ABHD10: variants seen among roughly 807,000 people sequenced by gnomAD.
ABHD10 encodes abhydrolase domain containing 10, depalmitoylase.
Under a neutral mutation model 33.1 loss-of-function variants are expected in ABHD10, and 22 were observed. That is an observed-to-expected ratio of 0.66 (90% CI 0.47 to 0.95). The LOEUF (loss-of-function observed/expected upper bound fraction) is 0.95. ABHD10 is among the 40% of genes least tolerant of loss of function. ABHD10 has a pLI of 0.00. For synonymous variants in ABHD10, 146 were observed against 133.9 expected (o/e 1.09, Z -0.62); for missense variants, 352 against 379.9 (o/e 0.93, Z 0.61).
At chr3:111,988,892 G>C (rs1188939394) in intron 4 of ABHD10, among the ~76,000 whole-genome samples, 2 of 152,192 alleles carry the variant, frequency 1.3e-5, no homozygotes, top group Non-Finnish European at 2.9e-5. Flanking sequence ...GCCTGGCCAT[G>C]TACATTTCTC....
chr3:111,986,231 A>G (rs368108272), intron 2 of ABHD10, 33 bp from the exon 3 acceptor site: 374 of 1,214,474 alleles, frequency 3.1e-4, no homozygotes, highest in Non-Finnish European at 3.8e-4. Context: ...ATATATAGAT[A>G]TTTAGATATA....
Position 111,990,072 on chromosome 3 carries a change from T to A in ABHD10, c.577-1305T>A, listed in dbSNP as rs548236684. On this transcript the variant is annotated intron_variant, in intron 4 of 4. Transcript: ENST00000273359. Reference sequence around the variant, plus strand: ...CATTTTTCTAGAAATGCCCTTAATATTATATGATTGTAACAGTCTTGAAAC... The same window carrying A: ...CATTTTTCTAGAAATGCCCTTAATAATATATGATTGTAACAGTCTTGAAAC... Among the ~76,000 whole-genome samples the A allele has an allele frequency of 3.3e-5, 5 of 152,140 alleles. No individual in the cohort carries two copies. In the South Asian group the frequency reaches 8.3e-4, roughly 25 times the overall value.
At chr3:111,985,058 G>A (rs1255138585) in intron 2 of ABHD10, among the ~76,000 whole-genome samples, 1 of 152,190 alleles carries the variant, frequency 6.6e-6, no homozygotes, top group Non-Finnish European at 1.5e-5. Context: ...ACAAAAGAAA[G>A]TGACTGGTAC....
chr3:111,986,896 A>G lies in ABHD10; in HGVS notation c.439-18A>G, dbSNP rs375332672. The stretch of plus-strand genomic sequence containing the variant: ...TTCTATCTTAAAGACCTAATGTTTT[A>G]TTTTATTTTATTTTTAGATTCTTGT... On this transcript the variant is annotated intron_variant, in intron 3 of 4. Coordinates refer to ENST00000273359, the MANE Select transcript of ABHD10 (RefSeq NM_018394.4). 9 of 1,563,116 alleles carry G rather than the reference A, an allele frequency of 5.8e-6. No individual in the cohort carries two copies. In the East Asian group the frequency reaches 1.6e-4, roughly 28 times the overall value.
intron 3 of ABHD10, 138 bp from the exon 4 acceptor site, chr3:111,986,776 A>T: frequency 2.8e-6 from 2 of 707,134 alleles, no homozygotes; most frequent in Non-Finnish European, 4.3e-6. Flanking sequence ...TATTTAATTT[A>T]AATGTTTAAT....
intron 2 of ABHD10, among the ~76,000 whole-genome samples, chr3:111,983,061 A>G (rs1473310734): frequency 6.6e-6 from 1 of 152,162 alleles, no homozygotes; most frequent in Non-Finnish European, 1.5e-5. Context: ...AAAACATTGT[A>G]CTTGCCTATG....
intron 1 of ABHD10, 46 bp from the exon 2 acceptor site, chr3:111,981,738 G>A (rs745815939): frequency 7.0e-7 from 1 of 1,430,348 alleles, no homozygotes; most frequent in Non-Finnish European, 9.4e-7. Flanking sequence ...GTTTTCCAAA[G>A]ACTGAGTTTA....
At chr3:111,990,914 A>G (rs990336910) in intron 4 of ABHD10, among the ~76,000 whole-genome samples, 2 of 152,072 alleles carry the variant, frequency 1.3e-5, no homozygotes, top group Admixed American at 1.3e-4. Flanking sequence ...CTAAGATTTG[A>G]TTTTATTTAA....
chr3:111,988,515 AT>A (rs1039720450), intron 4 of ABHD10, among the ~76,000 whole-genome samples: 2 of 151,288 alleles, frequency 1.3e-5, no homozygotes, highest in Non-Finnish European at 2.9e-5. Context: ...AAAGGAGTTG[AT>A]TTTTGGGGGT....
chr3:111,981,311 C>CAAAAAAAAAAAAAAA (rs11301143), intron 1 of ABHD10, among the ~76,000 whole-genome samples: 1 of 91,192 alleles, frequency 1.1e-5, no homozygotes, highest in Non-Finnish European at 2.1e-5. Context: ...GACCCTGTCT[C>CAAAAAAAAAAAAAAA]AAAAAAAAAA....
At position 111,992,605 on chromosome 3, in the gene ABHD10, G is replaced by C. The variant is rs1456416960; in HGVS notation, c.*884G>C. ...TTTTTTTCTTTCCTAAATAACTAAA[G>C]TGAGGTGTAGATTGAGCCTTGATAT... On this transcript the variant is annotated 3_prime_UTR_variant, in exon 5 of 5. Coordinates refer to ENST00000273359, the MANE Select transcript of ABHD10 (RefSeq NM_018394.4). The C allele has an allele frequency of 1.3e-5, 2 of 151,996 alleles. No individual in the cohort carries two copies. Among genetic ancestry groups the C allele is most frequent in the Non-Finnish European group, 2.9e-5 (2 of 67,976 alleles). The allele number at this position is 151,996 out of a possible 1,614,324, so 9.4% of individuals were successfully genotyped here.
chr3:111,993,106 G>C lies in ABHD10; in HGVS notation c.*1385G>C, dbSNP rs947411851. 24 of 152,298 alleles carry C rather than the reference G, an allele frequency of 1.6e-4. No individual in the cohort carries two copies. The highest frequency in any genetic ancestry group is 1.5e-3 in the East Asian group (8 of 5,172). The allele number at this position is 152,298 out of a possible 1,614,324, so 9.4% of individuals were successfully genotyped here. A position where few individuals can be genotyped will look rare whatever the true frequency, so the allele number is the denominator to read the frequency against. On this transcript the variant is annotated 3_prime_UTR_variant, in exon 5 of 5. Coordinates refer to ENST00000273359, the MANE Select transcript of ABHD10 (RefSeq NM_018394.4). ...CTGGAATTTTGGTATGTGCCAGGCAGAGACTACCTTTGTGACCAGCTCCCA... is the reference window on the plus strand; with the variant it reads ...CTGGAATTTTGGTATGTGCCAGGCACAGACTACCTTTGTGACCAGCTCCCA...
intron 2 of ABHD10, among the ~76,000 whole-genome samples, chr3:111,982,625 G>A (rs1458775213): frequency 6.6e-6 from 1 of 152,108 alleles, no homozygotes; most frequent in Non-Finnish European, 1.5e-5. Flanking sequence ...ATGAGTTCTA[G>A]AATAAATTCG....
At chr3:111,987,403 C>T (rs2072681474) in intron 4 of ABHD10, among the ~76,000 whole-genome samples, 1 of 152,038 alleles carries the variant, frequency 6.6e-6, no homozygotes, top group South Asian at 2.1e-4. Flanking sequence ...GGTCCTCTTA[C>T]TTTGTGGCAT....
At chr3:111,987,888 A>G (rs1006230695) in intron 4 of ABHD10, among the ~76,000 whole-genome samples, 1 of 152,170 alleles carries the variant, frequency 6.6e-6, no homozygotes, top group Non-Finnish European at 1.5e-5. Context: ...AGACACAGAA[A>G]TTAAAGAAAA....
Position 111,981,938 on chromosome 3 carries a change from T to A in ABHD10, c.297T>A (p.Phe99Leu), listed in dbSNP as rs1335878086. Residue 99 changes from phenylalanine (F) to leucine (L), a missense_variant, in exon 2 of 5, where the codon TTT becomes TTA. Coordinates refer to ENST00000273359, the MANE Select transcript of ABHD10 (RefSeq NM_018394.4). The part of the protein sequence containing the change: ...NGTKALAIEE[F>L]CKSLGHACIR... ...CAAAAGCGTTGGCGATTGAGGAGTT[T>A]TGCAAATCTCTAGGTCACGCCTGCA... 1 of 1,575,212 alleles carries A rather than the reference T, an allele frequency of 6.3e-7. No individual in the cohort carries two copies. Among genetic ancestry groups the A allele is most frequent in the South Asian group, 1.2e-5 (1 of 86,124 alleles).
chr3:111,979,152 C>G lies in ABHD10; in HGVS notation c.91C>G (p.Leu31Val). The G allele has an allele frequency of 6.2e-7, 1 of 1,612,912 alleles. No homozygotes were observed. Among genetic ancestry groups the G allele is most frequent in the Non-Finnish European group, 8.5e-7 (1 of 1,179,466 alleles). Residue 31 changes from leucine to valine, a missense_variant, in exon 1 of 5, where the codon CTC (leucine) becomes GTC (valine). By Grantham distance (32) the Leu-to-Val change is conservative. Transcript: ENST00000273359. ...CGTCCCCTTCGGTCCCCACCGTGGC[C>G]TCAGCGTGCTGCTTGCACGGATACC... ...AAVPFGPHRG[L>V]SVLLARIPQR... is the part of the protein sequence containing the mutation.
rs928810157 is a variant in ABHD10, at chr3:111,991,365, T to C, written c.577-12T>C. 1.1e-5 allele frequency: 18 copies of C among 1,588,880 alleles called. No homozygotes were observed. The highest frequency in any genetic ancestry group is 1.4e-5 in the Non-Finnish European group (17 of 1,173,970). ...TCACAAATACTTTTATTTTTCTTTC[T>C]TTTTCCAATAGCTAAAAAAGGAAGT... On this transcript the variant is annotated splice_polypyrimidine_tract_variant and intron_variant, in intron 4 of 4. Coordinates refer to ENST00000273359, the MANE Select transcript of ABHD10 (RefSeq NM_018394.4).
intron 4 of ABHD10, chr3:111,990,686 T>G: frequency 7.5e-7 from 1 of 1,341,440 alleles, no homozygotes; most frequent in South Asian, 1.6e-5. Flanking sequence ...AATCAAATTT[T>G]TTCTCTTTTA....
Sources: allele counts gnomAD v4.1 joint callset (sites outside exome capture counted in the v4.1 genomes callset), GRCh38; gene constraint gnomAD v4.1.1; transcripts MANE v1.5; gene names NCBI Gene and HGNC (gene_info 2026-07-23, HGNC 2026-07-21).